Variants in QTGAL observed in about 807,000 individuals in gnomAD.
QTGAL encodes the protein queuosine-tRNA galactosyltransferase.
the QTGAL span, among the ~76,000 whole-genome samples, chr17:82,986,975 C>T: frequency 2.0e-5 from 3 of 152,214 alleles, no homozygotes; most frequent in African/African-American, 4.8e-5. Flanking sequence ...CATACCCCCA[C>T]GAGGCAGAGT....
At chr17:82,974,279 G>A in the QTGAL span, among the ~76,000 whole-genome samples, 8 of 152,288 alleles carry the variant, frequency 5.3e-5, no homozygotes, top group East Asian at 1.4e-3. Flanking sequence ...CCGGGTGGCC[G>A]GCGCTGACAA....
At chr17:83,009,293 G>A in the QTGAL span, among the ~76,000 whole-genome samples, 3,711 of 152,074 alleles carry the variant, frequency 0.024, 71 homozygotes, top group Non-Finnish European at 0.036. Flanking sequence ...GCGTGGTGGC[G>A]CACACCTGTA....
At chr17:83,014,318 C>CCA in the QTGAL span, 1 of 937,436 alleles carries the variant, frequency 1.1e-6, no homozygotes, top group East Asian at 2.7e-5. Context: ...GACATGCCAG[C>CCA]CACAGATCCC....
chr17:82,975,775 G>A, the QTGAL span, among the ~76,000 whole-genome samples: 3 of 90,742 alleles, frequency 3.3e-5, 1 homozygote, highest in Non-Finnish European at 6.3e-5. Context: ...TATGGGGAAC[G>A]AGGGCCCCGG....
At chr17:82,956,649 G>C in the QTGAL span, 3 of 1,498,384 alleles carry the variant, frequency 2.0e-6, no homozygotes, top group Non-Finnish European at 9.0e-7. The surrounding 1 kb of genome is among the most constrained non-coding windows in gnomAD (Gnocchi z 5.7). Context: ...AGGTGGCAGA[G>C]CCCGGGATCC....
chr17:83,037,119 T>G, the QTGAL span, among the ~76,000 whole-genome samples: 1 of 152,048 alleles, frequency 6.6e-6, no homozygotes, highest in Non-Finnish European at 1.5e-5. This position sits in a 1 kb window ranked among gnomAD's most constrained non-coding sequence, Gnocchi z 5.2. Flanking sequence ...AAGCAATAGA[T>G]CTCTCTGGTA....
At chr17:83,034,905 A>C in the QTGAL span, 1 of 742,882 alleles carries the variant, frequency 1.3e-6, no homozygotes, top group Non-Finnish European at 2.2e-6. Flanking sequence ...ATGAAAACGG[A>C]CTAACACATT....
At chr17:83,016,997 T>C in the QTGAL span, among the ~76,000 whole-genome samples, 2 of 152,196 alleles carry the variant, frequency 1.3e-5, no homozygotes. Context: ...GGAAAGTCTC[T>C]TGCACCTTCT....
At chr17:83,012,693 C>T in the QTGAL span, among the ~76,000 whole-genome samples, 1 of 152,162 alleles carries the variant, frequency 6.6e-6, no homozygotes, top group African/African-American at 2.4e-5. Context: ...ATATCTCACA[C>T]CTCTGCAAAA....
chr17:83,031,013 T>C, the QTGAL span: 1 of 152,246 alleles, frequency 6.6e-6, no homozygotes, highest in African/African-American at 2.4e-5. Flanking sequence ...ATAGACATTA[T>C]GTTTGAACAT....
the QTGAL span, among the ~76,000 whole-genome samples, chr17:83,002,520 G>A: frequency 2.0e-5 from 3 of 152,188 alleles, no homozygotes; most frequent in South Asian, 2.1e-4. Flanking sequence ...GCCCTCGGCC[G>A]CTAGCTCGTA....
At chr17:83,009,788 T>C in the QTGAL span, among the ~76,000 whole-genome samples, 2 of 152,026 alleles carry the variant, frequency 1.3e-5, no homozygotes, top group Non-Finnish European at 2.9e-5. Flanking sequence ...GAAGGGCCCC[T>C]TCCCAGAAAG....
the QTGAL span, chr17:83,048,496 C>G: frequency 6.2e-7 from 1 of 1,612,734 alleles, no homozygotes; most frequent in Admixed American, 1.7e-5. Context: ...GAGAATCGTG[C>G]CCCCCAATGA....
chr17:82,995,385 CTTT>C, the QTGAL span, among the ~76,000 whole-genome samples: 6 of 141,222 alleles, frequency 4.2e-5, no homozygotes, highest in East Asian at 2.0e-4. Flanking sequence ...ATTTCTTTTT[CTTT>C]TTTTTTTTTT....
chr17:83,007,744 C>T, the QTGAL span, among the ~76,000 whole-genome samples: 5 of 152,168 alleles, frequency 3.3e-5, no homozygotes, highest in South Asian at 2.1e-4. Flanking sequence ...AAAGCCACAC[C>T]GGGTCTCTCA....
At chr17:82,986,573 G>C in the QTGAL span, among the ~76,000 whole-genome samples, 1 of 152,248 alleles carries the variant, frequency 6.6e-6, no homozygotes, top group Non-Finnish European at 1.5e-5. Context: ...TTTTCCGCGT[G>C]ACACAGGATG....
chr17:82,956,829 C>G, the QTGAL span: 1 of 1,534,224 alleles, frequency 6.5e-7, no homozygotes, highest in South Asian at 1.2e-5. The surrounding 1 kb of genome is among the most constrained non-coding windows in gnomAD (Gnocchi z 5.7). Flanking sequence ...CGGAGAGACG[C>G]CCTCAGGGTG....
chr17:83,030,472 A>G, the QTGAL span, among the ~76,000 whole-genome samples: 2 of 152,238 alleles, frequency 1.3e-5, no homozygotes. Context: ...TGGGCGTTGC[A>G]GGCTGTGCTC....
chr17:82,958,550 C>T, the QTGAL span, among the ~76,000 whole-genome samples: 2 of 152,156 alleles, frequency 1.3e-5, no homozygotes, highest in Non-Finnish European at 2.9e-5. Flanking sequence ...TTGTGACTCC[C>T]CCCCAACCCT....
Sources: allele counts gnomAD v4.1 joint callset (sites outside exome capture counted in the v4.1 genomes callset), GRCh38; gene constraint gnomAD v4.1.1; non-coding constraint Gnocchi (gnomAD v3.1); transcripts MANE v1.5; gene names NCBI Gene and HGNC (gene_info 2026-07-23, HGNC 2026-07-21).